WASF3: variants seen among roughly 807,000 people sequenced by gnomAD.
WASF3 encodes the protein WASP family member 3.
WASF3 carries 11 observed loss-of-function variants against 46.6 expected under a neutral mutation model. The observed-to-expected ratio is 0.24, with a 90% CI of 0.15 to 0.39. The LOEUF (loss-of-function observed/expected upper bound fraction) is 0.39. Ranked by LOEUF, WASF3 falls within the 10% of genes least tolerant of loss-of-function variation. The pLI is 1.00. For synonymous variants in WASF3, 242 were observed against 259.7 expected (o/e 0.93, Z 0.65); for missense variants, 576 against 669.8 (o/e 0.86, Z 1.55).
At chr13:26,634,920 T>C (rs765108501) in intron 2 of WASF3, among the ~76,000 whole-genome samples, 3 of 152,208 alleles carry the variant, frequency 2.0e-5, no homozygotes, top group Non-Finnish European at 2.9e-5. Context: ...GCCTTTAACA[T>C]TTTTTCCTTC....
intron 7 of WASF3, 59 bp from the exon 8 acceptor site, chr13:26,680,995 T>C: frequency 6.4e-7 from 1 of 1,555,526 alleles, no homozygotes; most frequent in East Asian, 2.3e-5. Flanking sequence ...CATGTGCCTG[T>C]TAGCCGACAA....
At chr13:26,572,377 C>T (rs560156269) in intron 1 of WASF3, among the ~76,000 whole-genome samples, 1 of 152,216 alleles carries the variant, frequency 6.6e-6, no homozygotes, top group African/African-American at 2.4e-5. Flanking sequence ...CTTGTTCTGT[C>T]TTAAGTTATG....
intron 2 of WASF3, 57 bp downstream of exon 2, chr13:26,613,115 AAATTT>A (rs1190597845): frequency 6.6e-6 from 1 of 151,622 alleles, no homozygotes; most frequent in African/African-American, 2.4e-5. Context: ...CATAGTTTAG[AAATTT>A]AATTAGAAAT....
chr13:26,584,688 T>C (rs1043345979), intron 1 of WASF3, among the ~76,000 whole-genome samples: 11 of 152,222 alleles, frequency 7.2e-5, no homozygotes, highest in African/African-American at 2.2e-4. Context: ...TTCCTCAGTT[T>C]TATGTTCAGT....
Position 26,681,051 on chromosome 13 carries a change from C to G in WASF3, c.717-3C>G. The G allele has an allele frequency of 6.3e-7, 1 of 1,589,392 alleles. No homozygotes were observed. Among genetic ancestry groups the G allele is most frequent in the East Asian group, 2.3e-5 (1 of 44,216 alleles). On this transcript the variant is annotated splice_region_variant and splice_polypyrimidine_tract_variant and intron_variant, in intron 7 of 9. Coordinates refer to ENST00000335327, the MANE Select transcript of WASF3 (RefSeq NM_006646.6). ...TCTCCCACCTCTTGTTTTCAAATGC[C>G]AGGTCACATGCATCGGACGTTACGG... is the stretch of plus-strand genomic sequence containing the variant.
At chr13:26,577,412 C>A (rs771436959) in intron 1 of WASF3, 22 of 780,644 alleles carry the variant, frequency 2.8e-5, no homozygotes, top group Non-Finnish European at 4.4e-5. Flanking sequence ...CCGGGAGGTG[C>A]AGAAAAATGA....
chr13:26,576,794 A>G (rs185499841), intron 1 of WASF3: 79 of 395,068 alleles, frequency 2.0e-4, no homozygotes, highest in African/African-American at 1.3e-3. Context: ...CAGAGGTTCT[A>G]TGTATTCTTT....
chr13:26,660,194 G>GTTTTTTTTTTTTTTTTTT lies in WASF3; in HGVS notation c.134-4816_134-4799dup, dbSNP rs71080285. ...GTAATTAGCTTTTGTTTTTTGTTTG[G>GTTTTTTTTTTTTTTTTTT]TTTTTTTTTTTTTTTTTTTTTTTTT... On this transcript the variant is annotated intron_variant, in intron 3 of 9. Coordinates refer to ENST00000335327, the MANE Select transcript of WASF3 (RefSeq NM_006646.6). 1.2e-4 allele frequency among the ~76,000 whole-genome samples: 5 copies of GTTTTTTTTTTTTTTTTTT among 43,362 alleles called. 1 individual carries two copies. The highest frequency in any genetic ancestry group is 3.0e-4 in the African/African-American group (4 of 13,436). The allele number at this position is 43,362 out of a possible 152,430, so 28.4% of individuals were successfully genotyped here.
intron 1 of WASF3, among the ~76,000 whole-genome samples, chr13:26,604,843 G>A (rs937109468): frequency 6.6e-6 from 1 of 152,178 alleles, no homozygotes; most frequent in African/African-American, 2.4e-5. Flanking sequence ...TGTAATCTTT[G>A]TGGGGTCAAG....
intron 6 of WASF3, among the ~76,000 whole-genome samples, chr13:26,675,586 T>C (rs1185243643): frequency 6.6e-6 from 1 of 151,994 alleles, no homozygotes; most frequent in East Asian, 1.9e-4. Flanking sequence ...ATGGTACATT[T>C]ATAATAGTAC....
At chr13:26,594,953 A>T (rs1880417147) in intron 1 of WASF3, among the ~76,000 whole-genome samples, 1 of 152,188 alleles carries the variant, frequency 6.6e-6, no homozygotes, top group South Asian at 2.1e-4. Context: ...TTCTTTACCT[A>T]CCATTTCCCA....
At chr13:26,562,403 G>A (rs142616819) in intron 1 of WASF3, among the ~76,000 whole-genome samples, 15 of 152,262 alleles carry the variant, frequency 9.9e-5, no homozygotes, top group African/African-American at 3.6e-4. Context: ...GGGAGGGGGA[G>A]GCCAGTTTGT....
chr13:26,574,562 T>A (rs1483560267), intron 1 of WASF3, among the ~76,000 whole-genome samples: 1 of 152,142 alleles, frequency 6.6e-6, no homozygotes, highest in Non-Finnish European at 1.5e-5. Context: ...GTCTTTTATA[T>A]ACAGCATAGT....
At chr13:26,578,213 G>C (rs1293825188) in intron 1 of WASF3, among the ~76,000 whole-genome samples, 2 of 152,080 alleles carry the variant, frequency 1.3e-5, no homozygotes, top group Non-Finnish European at 2.9e-5. Flanking sequence ...CCTTGTTCCT[G>C]ATTTCAGGGG....
chr13:26,600,623 G>A (rs1314252459), intron 1 of WASF3, among the ~76,000 whole-genome samples: 3 of 152,214 alleles, frequency 2.0e-5, no homozygotes, highest in Non-Finnish European at 4.4e-5. Flanking sequence ...TTAGTAAGAT[G>A]TTTCACAATG....
At chr13:26,580,035 A>T (rs1268538087) in intron 1 of WASF3, among the ~76,000 whole-genome samples, 1 of 152,092 alleles carries the variant, frequency 6.6e-6, no homozygotes, top group African/African-American at 2.4e-5. Context: ...TTTTTAGCTC[A>T]TTAGCTGTCT....
At chr13:26,559,014 T>C (rs1177412700) in intron 1 of WASF3, among the ~76,000 whole-genome samples, 1 of 152,226 alleles carries the variant, frequency 6.6e-6, no homozygotes, top group Non-Finnish European at 1.5e-5. Flanking sequence ...CTTCTTTTTA[T>C]ATGTGCTTTA....
intron 2 of WASF3, among the ~76,000 whole-genome samples, chr13:26,633,200 C>CTTTTTTTTTTTTTTTTTTTTTTTTTT (rs58237286): frequency 3.3e-5 from 3 of 90,420 alleles, no homozygotes; most frequent in Non-Finnish European, 6.3e-5. Flanking sequence ...TTAGTTATTT[C>CTTTTTTTTTTTTTTTTTTTTTTTTTT]TTTTTTTTTT....
At chr13:26,547,670 C>G in the WASF3 span, among the ~76,000 whole-genome samples, 3 of 152,182 alleles carry the variant, frequency 2.0e-5, no homozygotes, top group Non-Finnish European at 4.4e-5. Context: ...CTTCTCCCGG[C>G]TCTTGTAGAA....
Sources: allele counts gnomAD v4.1 joint callset (sites outside exome capture counted in the v4.1 genomes callset), GRCh38; gene constraint gnomAD v4.1.1; transcripts MANE v1.5; gene names NCBI Gene and HGNC (gene_info 2026-07-23, HGNC 2026-07-21).